Variants in CFDP1 observed in about 807,000 individuals in gnomAD.
The protein encoded by CFDP1 is chromatin remodeling protein CFDP1.
A neutral mutation model predicts 40.1 loss-of-function variants in CFDP1; 31 were observed. That is an observed-to-expected ratio of 0.77 (90% CI 0.58 to 1.04). The LOEUF (loss-of-function observed/expected upper bound fraction) is 1.04. CFDP1 is among the 50% of genes least tolerant of loss of function. CFDP1 has a pLI of 0.00. For synonymous variants in CFDP1, 167 were observed against 120.0 expected, an observed-to-expected ratio of 1.39 and a Z score of -2.56; for missense variants, 423 against 343.4, an observed-to-expected ratio of 1.23 and a Z score of -1.83.
In CFDP1 at chr16:75,299,238, C is replaced by A. The variant is rs537476954; in HGVS notation, c.810-5196G>T. The stretch of plus-strand genomic sequence containing the variant: ...ACCAACTCTGCTGACTGAAATGACT[C>A]CTGGATGGAAACATCATTCTGACGT... On this transcript the variant is annotated intron_variant, in intron 6 of 6. Coordinates refer to ENST00000283882, the MANE Select transcript of CFDP1 (RefSeq NM_006324.3). 5.5e-4 allele frequency among the ~76,000 whole-genome samples: 83 copies of A among 152,254 alleles called. 1 individual carries two copies. The highest frequency in any genetic ancestry group is 3.4e-3 in the Middle Eastern group (1 of 294).
At chr16:75,375,842 G>A in intron 5 of CFDP1, among the ~76,000 whole-genome samples, 1 of 151,798 alleles carries the variant, frequency 6.6e-6, no homozygotes, top group East Asian at 1.9e-4. Context: ...GATACGTATG[G>A]ACCAAGTAGA....
chr16:75,409,513 T>G (rs2079136996), intron 4 of CFDP1: 1 of 152,198 alleles, frequency 6.6e-6, no homozygotes, highest in Non-Finnish European at 1.5e-5. Flanking sequence ...AGTAATTCCT[T>G]TTTATTGTGT....
At chr16:75,355,644 A>T (rs1001920804) in intron 5 of CFDP1, among the ~76,000 whole-genome samples, 2 of 152,192 alleles carry the variant, frequency 1.3e-5, no homozygotes, top group Admixed American at 6.5e-5. Context: ...CATGTGTCAA[A>T]GGCAGGATAA....
At chr16:75,308,639 C>A (rs1185515032) in intron 5 of CFDP1, among the ~76,000 whole-genome samples, 1 of 152,098 alleles carries the variant, frequency 6.6e-6, no homozygotes, top group Non-Finnish European at 1.5e-5. Context: ...TTCTTTAGAG[C>A]GCTTCTACAC....
rs1410524897 is a variant in CFDP1, at chr16:75,432,353, T to C, written c.64+936A>G. Among the ~76,000 whole-genome samples, 12 of 109,720 alleles carry C rather than the reference T, an allele frequency of 1.1e-4. No individual in the cohort carries two copies. The East Asian group carries it at 1.6e-3, about 15-fold the overall frequency. 72.0% of individuals were successfully genotyped at this position (109,720 alleles called of 152,430 possible). A position where few individuals can be genotyped will look rare whatever the true frequency, so the allele number is the denominator to read the frequency against. On this transcript the variant is annotated intron_variant, in intron 1 of 6. Coordinates refer to ENST00000283882, the MANE Select transcript of CFDP1 (RefSeq NM_006324.3). Reference sequence around the variant, plus strand: ...GAGTTCGAGACCAGCCTGGGCAACATAGCAAGATGCCATTTCTAAAAAAAA... The same window carrying C: ...GAGTTCGAGACCAGCCTGGGCAACACAGCAAGATGCCATTTCTAAAAAAAA...
intron 4 of CFDP1, among the ~76,000 whole-genome samples, chr16:75,407,675 A>T (rs1004911756): frequency 8.6e-6 from 1 of 115,642 alleles, no homozygotes; most frequent in African/African-American, 3.2e-5. Flanking sequence ...AAAAAAAAGA[A>T]AAAAAAGAAT....
chr16:75,390,378 G>A (rs986169543), intron 5 of CFDP1, among the ~76,000 whole-genome samples: 4 of 152,352 alleles, frequency 2.6e-5, no homozygotes, highest in South Asian at 4.1e-4. Context: ...AAAGAATTCT[G>A]TGCTAAGTCA....
chr16:75,408,705 G>T (rs2079127396), intron 4 of CFDP1, among the ~76,000 whole-genome samples: 3 of 151,666 alleles, frequency 2.0e-5, no homozygotes, highest in Admixed American at 2.0e-4. Context: ...GAACCAGAAG[G>T]CGGAGGTTGC....
rs770772305 is a variant in CFDP1, at chr16:75,433,318, G to A, written c.35C>T (p.Ser12Leu). The change falls in exon 1 of 7, where the codon TCG becomes TTG. Residue 12 changes from serine (S) to leucine (L), a missense_variant. Physicochemically the swap from Ser to Leu is moderately radical, Grantham distance 145. Coordinates refer to ENST00000283882, the MANE Select transcript of CFDP1 (RefSeq NM_006324.3). ...EEFDSEDFST[S>L]EEDEDYVPSG... is the part of the protein sequence containing the mutation. ...CGGCACGTAGTCCTCGTCCTCCTCCGACGTAGAGAAGTCTTCGGAGTCGAA... is the reference window on the plus strand; with the variant it reads ...CGGCACGTAGTCCTCGTCCTCCTCCAACGTAGAGAAGTCTTCGGAGTCGAA... 4.4e-6 allele frequency: 7 copies of A among 1,601,820 alleles called. No homozygotes were observed. Among genetic ancestry groups the A allele is most frequent in the African/African-American group, 1.3e-5 (1 of 74,688 alleles).
intron 1 of CFDP1, among the ~76,000 whole-genome samples, chr16:75,425,062 T>C (rs1302829606): frequency 6.6e-6 from 1 of 151,216 alleles, no homozygotes. Flanking sequence ...CAATTAGAAA[T>C]AAAAACTTTT....
At position 75,433,210 on chromosome 16, in the gene CFDP1, C is replaced by G. The variant is rs556657310; in HGVS notation, c.64+79G>C. 4.7e-5 allele frequency: 66 copies of G among 1,400,032 alleles called. No individual in the cohort carries two copies. In the African/African-American group the frequency reaches 8.6e-4, roughly 18 times the overall value. 86.7% of individuals were successfully genotyped at this position (1,400,032 alleles called of 1,614,324 possible). On this transcript the variant is annotated intron_variant, in intron 1 of 6. Transcript: ENST00000283882. ...TGGACCACCTGGGCCACAGGGCAGA[C>G]GCCCGCGGGGGCAGAGCGCGCCTCA...
chr16:75,370,824 T>G (rs569024597), intron 5 of CFDP1, among the ~76,000 whole-genome samples: 1 of 152,232 alleles, frequency 6.6e-6, no homozygotes, highest in South Asian at 2.1e-4. Context: ...ATCATACCAC[T>G]GCACTCCAGC....
rs887559395 is a variant in CFDP1, at chr16:75,353,724, G to C, written c.650+41366C>G. Among the ~76,000 whole-genome samples the C allele has an allele frequency of 2.4e-5, 3 of 127,222 alleles. No individual in the cohort carries two copies. The Admixed American group carries it at 3.2e-4, about 14-fold the overall frequency. 83.5% of individuals were successfully genotyped at this position (127,222 alleles called of 152,430 possible). ...AGATCGTGCCACTGCACTCCAGCCT[G>C]GGCGACACAGCAAAAGTCCGTCTCA... On this transcript the variant is annotated intron_variant, in intron 5 of 6. Transcript: ENST00000283882.
chr16:75,345,135 G>A (rs762561803), intron 5 of CFDP1, among the ~76,000 whole-genome samples: 27 of 151,850 alleles, frequency 1.8e-4, no homozygotes, highest in Non-Finnish European at 2.9e-4. Context: ...AGACCAGCCT[G>A]GGCAACAAAG....
At chr16:75,352,698 AACT>A (rs1183579639) in intron 5 of CFDP1, among the ~76,000 whole-genome samples, 1 of 152,192 alleles carries the variant, frequency 6.6e-6, no homozygotes, top group Non-Finnish European at 1.5e-5. Context: ...ATTCCGTACA[AACT>A]ACTCTGAGTA....
At chr16:75,334,596 T>G (rs912723736) in intron 5 of CFDP1, among the ~76,000 whole-genome samples, 1 of 151,954 alleles carries the variant, frequency 6.6e-6, no homozygotes, top group Non-Finnish European at 1.5e-5. Flanking sequence ...CTTTTACTAT[T>G]CATGTTGAAA....
intron 5 of CFDP1, among the ~76,000 whole-genome samples, chr16:75,358,787 A>C (rs996853146): frequency 1.3e-5 from 2 of 152,240 alleles, no homozygotes; most frequent in Admixed American, 6.5e-5. Context: ...TCTGAGCTTT[A>C]GAATTTTGGA....
intron 5 of CFDP1, among the ~76,000 whole-genome samples, chr16:75,352,576 AAAT>A (rs1049941580): frequency 3.3e-5 from 5 of 152,148 alleles, no homozygotes; most frequent in Non-Finnish European, 5.9e-5. Context: ...CTTTTTAAAA[AAAT>A]AATAATTTTA....
intron 5 of CFDP1, chr16:75,394,681 T>TTTTTA (rs1372199940): frequency 4.5e-5 from 6 of 133,542 alleles, no homozygotes; most frequent in African/African-American, 1.2e-4. Context: ...TTTTTTTTTT[T>TTTTTA]AAGAGACAGG....
Sources: gnomAD v4.1 joint callset for allele counts (sites outside exome capture counted in the v4.1 genomes callset) on GRCh38, gnomAD v4.1.1 for gene constraint, MANE v1.5 for transcripts, NCBI Gene and HGNC (gene_info 2026-07-23, HGNC 2026-07-21) for gene names.